Variants in SMYD3 observed in about 807,000 individuals in gnomAD.
SMYD3 encodes the protein SET and MYND domain containing 3, also known as histone-lysine N-methyltransferase SMYD3.
Under a neutral mutation model 57.7 loss-of-function variants are expected in SMYD3, and 36 were observed. The ratio of observed to expected loss-of-function variants is 0.62; its 90% CI spans 0.48 to 0.82. The LOEUF is 0.82. Ranked by LOEUF, SMYD3 falls within the 40% of genes least tolerant of loss-of-function variation. The pLI is 0.00. For synonymous variants in SMYD3, 211 were observed against 195.0 expected (o/e 1.08, Z -0.68); for missense variants, 515 against 538.8 (o/e 0.96, Z 0.44).
At chr1:246,440,694 C>T (rs2067449390) in intron 1 of SMYD3, among the ~76,000 whole-genome samples, 2 of 151,980 alleles carry the variant, frequency 1.3e-5, no homozygotes, top group African/African-American at 4.8e-5. Flanking sequence ...AAAGGAAAGC[C>T]TCATTTTTTA....
At chr1:246,359,132 T>C (rs527683969) in intron 1 of SMYD3, among the ~76,000 whole-genome samples, 28 of 152,230 alleles carry the variant, frequency 1.8e-4, no homozygotes, top group Non-Finnish European at 3.5e-4. Flanking sequence ...AAATGGGAAA[T>C]ATTACTGATA....
chr1:246,195,084 T>C (rs1448613272), intron 5 of SMYD3, among the ~76,000 whole-genome samples: 3 of 152,148 alleles, frequency 2.0e-5, no homozygotes, highest in Admixed American at 6.5e-5. Context: ...AAGGTTTGGA[T>C]CAAAAAAGAC....
chr1:245,836,376 G>A (rs1476464978), intron 10 of SMYD3, among the ~76,000 whole-genome samples: 1 of 152,222 alleles, frequency 6.6e-6, no homozygotes, highest in Non-Finnish European at 1.5e-5. Context: ...GTGCGGTCCT[G>A]AACTGACCAT....
At chr1:245,925,715 C>CAAAAA (rs1433814079) in intron 7 of SMYD3, among the ~76,000 whole-genome samples, 1 of 152,148 alleles carries the variant, frequency 6.6e-6, no homozygotes, top group Non-Finnish European at 1.5e-5. Flanking sequence ...CTCCTGGATG[C>CAAAAA]AAAGCTAAGT....
intron 2 of SMYD3, among the ~76,000 whole-genome samples, chr1:246,351,642 T>G (rs376824180): frequency 1.6e-4 from 24 of 152,336 alleles, no homozygotes; most frequent in African/African-American, 5.5e-4. Flanking sequence ...CATATGTCGA[T>G]GTGTACGCTA....
chr1:245,870,985 T>C (rs2148515788), intron 8 of SMYD3, among the ~76,000 whole-genome samples: 1 of 152,304 alleles, frequency 6.6e-6, no homozygotes, highest in South Asian at 2.1e-4. Context: ...AAAGGTAATC[T>C]GCTTCCCAGT....
At chr1:246,275,316 C>G (rs1414081117) in intron 5 of SMYD3, among the ~76,000 whole-genome samples, 1 of 152,198 alleles carries the variant, frequency 6.6e-6, no homozygotes, top group South Asian at 2.1e-4. Flanking sequence ...CTGCTCCTGG[C>G]CAACAACAAA....
At chr1:245,924,702 G>A (rs2056246991) in intron 7 of SMYD3, among the ~76,000 whole-genome samples, 2 of 132,912 alleles carry the variant, frequency 1.5e-5, no homozygotes, top group Admixed American at 8.7e-5. Context: ...TCACTCTGTC[G>A]CCCAGGCTGG....
intron 5 of SMYD3, among the ~76,000 whole-genome samples, chr1:246,139,041 G>T (rs2061710722): frequency 6.6e-6 from 1 of 152,130 alleles, no homozygotes; most frequent in Non-Finnish European, 1.5e-5. Context: ...ATACTCTCAA[G>T]GAATCCTCCA....
At chr1:246,455,154 C>G (rs763230102) in intron 1 of SMYD3, among the ~76,000 whole-genome samples, 1 of 152,056 alleles carries the variant, frequency 6.6e-6, no homozygotes. Context: ...AGTCCCTGAT[C>G]TGAAAGAGCT....
chr1:245,898,858 G>A (rs2054002273), intron 8 of SMYD3, among the ~76,000 whole-genome samples: 1 of 152,178 alleles, frequency 6.6e-6, no homozygotes, highest in Admixed American at 6.5e-5. Context: ...CATTTGGTCT[G>A]TTCAGCTCCT....
chr1:246,113,647 T>C (rs1031272647), intron 5 of SMYD3: 2 of 152,208 alleles, frequency 1.3e-5, no homozygotes, highest in Non-Finnish European at 2.9e-5. Context: ...TATCACGTCG[T>C]ATTATCACTT....
chr1:246,149,482 G>C (rs142263564), intron 5 of SMYD3, among the ~76,000 whole-genome samples: 1 of 152,304 alleles, frequency 6.6e-6, no homozygotes, highest in East Asian at 1.9e-4. Context: ...ACTAGCAGAA[G>C]TGATAATTTT....
At chr1:246,387,467 T>C (rs765418532) in intron 1 of SMYD3, among the ~76,000 whole-genome samples, 2 of 152,234 alleles carry the variant, frequency 1.3e-5, no homozygotes, top group Non-Finnish European at 2.9e-5. Flanking sequence ...CATTTATTCA[T>C]CCCACAGATA....
At chr1:246,376,588 C>CTAAA (rs2066282150) in intron 1 of SMYD3, among the ~76,000 whole-genome samples, 1 of 62,214 alleles carries the variant, frequency 1.6e-5, no homozygotes, top group South Asian at 7.9e-4. Context: ...GACACTCCAT[C>CTAAA]TAAAAAAAAA....
intron 5 of SMYD3, among the ~76,000 whole-genome samples, chr1:246,306,729 T>C (rs1441088361): frequency 6.6e-6 from 1 of 152,248 alleles, no homozygotes; most frequent in East Asian, 1.9e-4. Flanking sequence ...TAAGATCATT[T>C]TGACCTCTGT....
At chr1:246,346,363 A>G (rs188009951) in intron 2 of SMYD3, among the ~76,000 whole-genome samples, 2 of 152,280 alleles carry the variant, frequency 1.3e-5, no homozygotes, top group East Asian at 3.9e-4. Flanking sequence ...CTAAAGGCCT[A>G]TTTACAGTGG....
chr1:245,928,623 G>A (rs1223697519), intron 6 of SMYD3, among the ~76,000 whole-genome samples: 8 of 152,080 alleles, frequency 5.3e-5, no homozygotes, highest in Admixed American at 4.6e-4. Context: ...GCAGTGAGCC[G>A]AGATCGCACC....
In SMYD3 at chr1:245,899,390, A is replaced by G. The variant is rs768308913; in HGVS notation, c.813+16140T>C. On this transcript the variant is annotated intron_variant, in intron 8 of 11. Transcript: ENST00000490107. ...TAAGTTTATATTCTCATCTAAGTAC[A>G]TACTCTACTCTCTTCCACTAGAAAA... Among the ~76,000 whole-genome samples the G allele has an allele frequency of 7.9e-5, 12 of 152,232 alleles. 1 individual carries two copies. Among genetic ancestry groups the G allele is most frequent in the Non-Finnish European group, 1.6e-4 (11 of 68,042 alleles).
Sources: gnomAD v4.1 joint callset for allele counts (sites outside exome capture counted in the v4.1 genomes callset) on GRCh38, gnomAD v4.1.1 for gene constraint, MANE v1.5 for transcripts, NCBI Gene and HGNC (gene_info 2026-07-23, HGNC 2026-07-21) for gene names.